SECISBP2: variants seen among roughly 807,000 people sequenced by gnomAD.
The protein encoded by SECISBP2 is selenocysteine insertion sequence-binding protein 2.
A neutral mutation model predicts 98.2 loss-of-function variants in SECISBP2; 96 were observed. The ratio of observed to expected loss-of-function variants is 0.98; its 90% CI spans 0.83 to 1.16. SECISBP2 has a LOEUF of 1.16. Among genes scored for constraint, SECISBP2 ranks in the 50% most tolerant of loss-of-function variants. The probability of loss-of-function intolerance (pLI) is 0.00; values close to 1 mark genes in which losing one functional copy is unlikely to be tolerated. For missense variants in SECISBP2, 1,046 were observed against 1,022.9 expected (o/e 1.02, Z -0.31); for synonymous variants, 407 against 370.2 (o/e 1.10, Z -1.14).
chr9:89,334,450 C>T, intron 6 of SECISBP2, 72 bp from the exon 7 acceptor site: 1 of 1,221,574 alleles, frequency 8.2e-7, no homozygotes, highest in Non-Finnish European at 1.2e-6. Context: ...TCATGTAATG[C>T]ATGTTTGAGT....
chr9:89,329,105 C>CGTTTTGTTTT (rs147815963), intron 5 of SECISBP2: 1 of 559,680 alleles, frequency 1.8e-6, no homozygotes. Flanking sequence ...TTTATTTGTG[C>CGTTTTGTTTT]GTTTTGTTTT....
chr9:89,328,983 G>A, intron 5 of SECISBP2, 97 bp downstream of exon 5: 1 of 1,021,416 alleles, frequency 9.8e-7, no homozygotes, highest in Non-Finnish European at 1.5e-6. Flanking sequence ...GGGCTTTGAT[G>A]TCCATGGAGC....
intron 10 of SECISBP2, among the ~76,000 whole-genome samples, chr9:89,341,695 T>C (rs535042673): frequency 8.5e-5 from 13 of 152,316 alleles, no homozygotes; most frequent in Admixed American, 5.2e-4. Context: ...GCAAAGTCCA[T>C]GAATAGAACA....
At chr9:89,344,362 CTT>C (rs1173450806) in intron 10 of SECISBP2, among the ~76,000 whole-genome samples, 2 of 152,138 alleles carry the variant, frequency 1.3e-5, no homozygotes, top group Admixed American at 6.5e-5. Flanking sequence ...CTTTTGATGT[CTT>C]TGTCATGAAA....
Position 89,338,464 on chromosome 9 carries a change from G to A in SECISBP2, c.1096G>A (p.Ala366Thr). The A allele has an allele frequency of 6.2e-7, 1 of 1,613,368 alleles. No homozygotes were observed. The highest frequency in any genetic ancestry group is 1.7e-5 in the Admixed American group (1 of 59,968). ...HIIHPTQKSK[A>T]SQGSDLEQNE... ...CTTTGATTTTCTGTTCTAGTCTAAA[G>A]CATCACAAGGTAGTGACCTTGAACA... is the stretch of plus-strand genomic sequence containing the variant. The change falls in exon 8 of 17, where the codon GCA becomes ACA. Residue 366 changes from alanine (A) to threonine (T), a missense_variant. By Grantham distance (58) the Ala-to-Thr change is moderately conservative. Transcript: ENST00000375807.
chr9:89,362,629 C>T (rs2132170766), downstream of SECISBP2, among the ~76,000 whole-genome samples: 2 of 152,346 alleles, frequency 1.3e-5, no homozygotes, highest in Middle Eastern at 6.8e-3. Context: ...AGCAGCAGCG[C>T]ATTCACTCCA....
At chr9:89,326,652 A>C (rs1258667265) in intron 4 of SECISBP2, among the ~76,000 whole-genome samples, 1 of 152,224 alleles carries the variant, frequency 6.6e-6, no homozygotes, top group East Asian at 1.9e-4. Context: ...GTCATGCCTC[A>C]CTTACTGATG....
At chr9:89,356,064 C>A (rs1481925663) in intron 14 of SECISBP2, among the ~76,000 whole-genome samples, 1 of 152,236 alleles carries the variant, frequency 6.6e-6, no homozygotes, top group African/African-American at 2.4e-5. Context: ...AACCCCTGGG[C>A]TGCAGACCAG....
intron 16 of SECISBP2, among the ~76,000 whole-genome samples, chr9:89,358,514 A>G (rs1488177652): frequency 6.6e-6 from 1 of 152,170 alleles, no homozygotes; most frequent in African/African-American, 2.4e-5. Context: ...TGCCCTATAG[A>G]AGATGGCCCC....
chr9:89,363,435 C>T, downstream of SECISBP2: 3 of 1,613,228 alleles, frequency 1.9e-6, no homozygotes, highest in Non-Finnish European at 2.5e-6. Context: ...CTTACCCACG[C>T]CTTCCTCCAG....
chr9:89,339,531 G>A (rs1829329804), intron 8 of SECISBP2, among the ~76,000 whole-genome samples: 1 of 152,112 alleles, frequency 6.6e-6, no homozygotes, highest in Non-Finnish European at 1.5e-5. Flanking sequence ...ACTGAATCTG[G>A]ATGGTTTCTC....
chr9:89,326,361 A>G (rs1196750294), intron 4 of SECISBP2, among the ~76,000 whole-genome samples: 1 of 152,198 alleles, frequency 6.6e-6, no homozygotes, highest in Non-Finnish European at 1.5e-5. Context: ...TATTAACTGT[A>G]GTAACTGTGG....
At chr9:89,346,785 C>T (rs1175586150) in intron 10 of SECISBP2, 97 bp from the exon 11 acceptor site, 7 of 1,457,080 alleles carry the variant, frequency 4.8e-6, no homozygotes, top group Middle Eastern at 2.3e-4. Context: ...CAAACTCCTT[C>T]AGATACCCTG....
intron 14 of SECISBP2, among the ~76,000 whole-genome samples, chr9:89,354,434 T>C (rs1831751295): frequency 6.6e-6 from 1 of 152,150 alleles, no homozygotes; most frequent in South Asian, 2.1e-4. Flanking sequence ...AGGAGACTCT[T>C]AATATCCCAG....
At position 89,319,681 on chromosome 9, in the gene SECISBP2, A is replaced by G; in HGVS notation, c.66A>G (p.Pro22=). The G allele has an allele frequency of 3.1e-6, 5 of 1,614,188 alleles. No homozygotes were observed. The highest frequency in any genetic ancestry group is 3.4e-6 in the Non-Finnish European group (4 of 1,180,036). Residue 22 remains proline, a synonymous_variant, in exon 2 of 17, where the codon CCA becomes CCG. Transcript: ENST00000375807. ...EGIKLSADVK[P]FVPRFAGLNV... ...TCAAGTTATCAGCAGATGTCAAACC[A>G]TTTGTCCCCAGATTTGCCGGGCTCA...
intron 16 of SECISBP2, 44 bp from the exon 17 acceptor site, chr9:89,358,677 C>G: frequency 1.5e-6 from 2 of 1,320,192 alleles, no homozygotes; most frequent in Non-Finnish European, 1.1e-6. Context: ...AGTTTTCCTA[C>G]TTGTTGATGC....
At chr9:89,365,808 T>G in the SECISBP2 span, among the ~76,000 whole-genome samples, 1 of 152,210 alleles carries the variant, frequency 6.6e-6, no homozygotes, top group Non-Finnish European at 1.5e-5. Context: ...CCAGAGAGCT[T>G]TCCATTTCTG....
In SECISBP2 at chr9:89,321,895, G is replaced by A. The variant is rs187723738; in HGVS notation, c.182+2098G>A. Among the ~76,000 whole-genome samples, 24 of 152,314 alleles carry A rather than the reference G, an allele frequency of 1.6e-4. No individual in the cohort carries two copies. The East Asian group carries it at 4.4e-3, about 28-fold the overall frequency. On this transcript the variant is annotated intron_variant, in intron 2 of 16. Transcript: ENST00000375807. ...ATAGATTAAAAATTGCATTGCCATA[G>A]TCAGATTACATGTAAATGGAGATCT...
At chr9:89,363,850 T>C, downstream of SECISBP2, 5 of 1,614,080 alleles carry the variant, frequency 3.1e-6, no homozygotes, top group Non-Finnish European at 4.2e-6. Context: ...GCCAGCTGAG[T>C]GCATGGGCCC....
Sources: allele counts gnomAD v4.1 joint callset (sites outside exome capture counted in the v4.1 genomes callset), GRCh38; gene constraint gnomAD v4.1.1; transcripts MANE v1.5; gene names NCBI Gene and HGNC (gene_info 2026-07-23, HGNC 2026-07-21).